GRID2: variants seen among roughly 807,000 people sequenced by gnomAD.
GRID2 encodes the protein glutamate ionotropic receptor delta type subunit 2, also known as glutamate receptor ionotropic, delta-2.
A neutral mutation model predicts 114.8 loss-of-function variants in GRID2; 33 were observed. The ratio of observed to expected loss-of-function variants is 0.29; its 90% CI spans 0.22 to 0.38. The LOEUF is 0.38. Ranked by LOEUF, GRID2 falls within the 10% of genes least tolerant of loss-of-function variation. The probability of loss-of-function intolerance (pLI) is 1.00; values close to 1 mark genes in which losing one functional copy is unlikely to be tolerated. For synonymous variants in GRID2, 505 were observed against 449.9 expected, an observed-to-expected ratio of 1.12 and a Z score of -1.55; for missense variants, 1,184 against 1,257.7, an observed-to-expected ratio of 0.94 and a Z score of 0.89.
intron 13 of GRID2, among the ~76,000 whole-genome samples, chr4:93,620,134 T>C (rs1742078173): frequency 6.6e-6 from 1 of 152,220 alleles, no homozygotes; most frequent in South Asian, 2.1e-4. Flanking sequence ...TAAATGTGTA[T>C]GTAAATGGCA....
intron 2 of GRID2, among the ~76,000 whole-genome samples, chr4:93,066,385 T>C (rs941126523): frequency 2.0e-5 from 3 of 151,948 alleles, no homozygotes; most frequent in Non-Finnish European, 4.4e-5. Flanking sequence ...GGATAAAGAT[T>C]TGCCTGGACA....
At chr4:92,854,378 C>G (rs747054014) in intron 2 of GRID2, among the ~76,000 whole-genome samples, 79 of 152,130 alleles carry the variant, frequency 5.2e-4, no homozygotes, top group Non-Finnish European at 1.0e-3. Context: ...CTGAAAAGAT[C>G]ACTCCAGGGG....
chr4:93,393,218 AT>A (rs1481832204), intron 8 of GRID2, among the ~76,000 whole-genome samples: 1 of 152,026 alleles, frequency 6.6e-6, no homozygotes, highest in Non-Finnish European at 1.5e-5. Flanking sequence ...TTTAGGAAAC[AT>A]TAAAATTTGT....
At chr4:93,013,481 G>A (rs1722385916) in intron 2 of GRID2, among the ~76,000 whole-genome samples, 1 of 151,856 alleles carries the variant, frequency 6.6e-6, no homozygotes, top group African/African-American at 2.4e-5. Flanking sequence ...GCTAAAAATT[G>A]TAAAGATTTT....
chr4:93,778,588 G>A (rs573758487), downstream of GRID2, among the ~76,000 whole-genome samples: 1 of 152,086 alleles, frequency 6.6e-6, no homozygotes, highest in Admixed American at 6.5e-5. Flanking sequence ...AATAGAGACA[G>A]GGTTTCACCA....
intron 2 of GRID2, among the ~76,000 whole-genome samples, chr4:92,748,454 C>A (rs549384247): frequency 6.6e-6 from 1 of 152,052 alleles, no homozygotes; most frequent in Non-Finnish European, 1.5e-5. Flanking sequence ...ATCCCACCAG[C>A]AACTCTACCC....
At chr4:93,221,177 T>C (rs1169130474) in intron 6 of GRID2, among the ~76,000 whole-genome samples, 4 of 152,194 alleles carry the variant, frequency 2.6e-5, no homozygotes, top group Admixed American at 2.6e-4. Context: ...TCTTACACTA[T>C]TCTCTCCTAG....
intron 1 of GRID2, among the ~76,000 whole-genome samples, chr4:92,475,416 A>G (rs1158739769): frequency 6.6e-6 from 1 of 151,398 alleles, no homozygotes; most frequent in Non-Finnish European, 1.5e-5. Flanking sequence ...AGAATCATTT[A>G]TTGAAGAGAA....
At chr4:93,801,140 G>A (rs1734919753) in intron 1 of GRID2, among the ~76,000 whole-genome samples, 1 of 152,012 alleles carries the variant, frequency 6.6e-6, no homozygotes, top group Non-Finnish European at 1.5e-5. Context: ...GAACTCAATT[G>A]TTTATATGAA....
chr4:92,929,821 A>G (rs1161331568), intron 2 of GRID2, among the ~76,000 whole-genome samples: 1 of 151,292 alleles, frequency 6.6e-6, no homozygotes, highest in East Asian at 1.9e-4. Flanking sequence ...ATTAATGTCT[A>G]ATTTGTAGAT....
chr4:92,772,180 C>A (rs1219749432), intron 2 of GRID2, among the ~76,000 whole-genome samples: 1 of 152,156 alleles, frequency 6.6e-6, no homozygotes, highest in Non-Finnish European at 1.5e-5. Flanking sequence ...CATCTAAAAC[C>A]TTGGCACCAG....
intron 2 of GRID2, among the ~76,000 whole-genome samples, chr4:92,844,561 C>T (rs1743154920): frequency 6.6e-6 from 1 of 151,650 alleles, no homozygotes; most frequent in African/African-American, 2.4e-5. Flanking sequence ...TCATCATCCA[C>T]CTTTAAATAC....
intron 2 of GRID2, among the ~76,000 whole-genome samples, chr4:92,683,149 CTT>C: frequency 1.3e-5 from 2 of 151,970 alleles, no homozygotes; most frequent in South Asian, 4.2e-4. Context: ...AATACCAAAA[CTT>C]AGCTGGGCGT....
chr4:93,508,246 G>T lies in GRID2; in HGVS notation c.1998-6970G>T, dbSNP rs576146352. Among the ~76,000 whole-genome samples, 15 of 149,984 alleles carry T rather than the reference G, an allele frequency of 1.0e-4. 1 individual carries two copies. In the South Asian group the frequency reaches 3.2e-3, roughly 32 times the overall value. ...GGAGTCTTGGTCTGTAGCCCAGGCT[G>T]GGGTGCAGTGGTGTGATATCGGCTC... On this transcript the variant is annotated intron_variant, in intron 12 of 15. Transcript: ENST00000282020.
At chr4:93,360,384 C>G (rs1372316229) in intron 8 of GRID2, among the ~76,000 whole-genome samples, 3 of 151,672 alleles carry the variant, frequency 2.0e-5, no homozygotes, top group African/African-American at 7.3e-5. Flanking sequence ...TTGTTGTGCT[C>G]AATAATGATA....
rs145402274 is a variant in GRID2 at position 92,942,628 on chromosome 4, A to G, written c.245-142367A>G. Among the ~76,000 whole-genome samples, 1,356 of 152,168 alleles carry G rather than the reference A, an allele frequency of 8.9e-3. 12 individuals are homozygous for G. The highest frequency in any genetic ancestry group is 0.031 in the African/African-American group (1,288 of 41,498). On this transcript the variant is annotated intron_variant, in intron 2 of 15. Coordinates refer to ENST00000282020, the MANE Select transcript of GRID2 (RefSeq NM_001510.4). ...CCTGTCATTATGATGTTAGCTGGTTATTTTGCTCATTAGTTGATGCAGTTG... is the reference window on the plus strand; with the variant it reads ...CCTGTCATTATGATGTTAGCTGGTTGTTTTGCTCATTAGTTGATGCAGTTG...
At chr4:93,683,101 A>T (rs1175201468) in intron 14 of GRID2, among the ~76,000 whole-genome samples, 1 of 151,890 alleles carries the variant, frequency 6.6e-6, no homozygotes, top group Non-Finnish European at 1.5e-5. Flanking sequence ...CCTTTTTAAG[A>T]TGTTACCTTT....
chr4:93,339,201 T>C (rs1759389573), intron 8 of GRID2, among the ~76,000 whole-genome samples: 1 of 152,146 alleles, frequency 6.6e-6, no homozygotes, highest in Non-Finnish European at 1.5e-5. Flanking sequence ...TTGAATTGTG[T>C]CTCCTCCAAA....
chr4:93,336,019 A>G (rs1230106420), intron 8 of GRID2, among the ~76,000 whole-genome samples: 1 of 152,144 alleles, frequency 6.6e-6, no homozygotes, highest in Non-Finnish European at 1.5e-5. Flanking sequence ...TTTTCTCTAA[A>G]ACATTTCAAA....
Sources: allele counts gnomAD v4.1 joint callset (sites outside exome capture counted in the v4.1 genomes callset), GRCh38; gene constraint gnomAD v4.1.1; transcripts MANE v1.5; gene names NCBI Gene and HGNC (gene_info 2026-07-23, HGNC 2026-07-21).